The following CTDSPL2 variants were observed in gnomAD, a reference collection of about 807,000 sequenced individuals.
The protein encoded by CTDSPL2 is CTD small phosphatase-like protein 2.
A neutral mutation model predicts 60.0 loss-of-function variants in CTDSPL2; 5 were observed. The ratio of observed to expected loss-of-function variants is 0.08; its 90% CI spans 0.04 to 0.18. The LOEUF (loss-of-function observed/expected upper bound fraction) is 0.18. Ranked by LOEUF, CTDSPL2 falls within the 10% of genes least tolerant of loss-of-function variation. The probability of loss-of-function intolerance (pLI) is 1.00; values close to 1 mark genes in which losing one functional copy is unlikely to be tolerated. For missense variants in CTDSPL2, 370 were observed against 548.8 expected (o/e 0.67, Z 3.26); for synonymous variants, 186 against 189.3 (o/e 0.98, Z 0.14).
chr15:44,520,053 G>A (rs1012173742), intron 11 of CTDSPL2: 3 of 152,032 alleles, frequency 2.0e-5, no homozygotes, highest in African/African-American at 4.8e-5. Flanking sequence ...GATTACAGGT[G>A]TGAGCCACTG....
rs181108100 is a variant in CTDSPL2 at position 44,528,304 on chromosome 15, C to T, written c.*4130C>T. ...GGAGCCTACCCCTGGAAAATTGTCT[C>T]GCTGGATCTCGAGAGGGGCCTGAGA... On this transcript the variant is annotated 3_prime_UTR_variant, in exon 13 of 13. Coordinates refer to ENST00000260327, the MANE Select transcript of CTDSPL2 (RefSeq NM_016396.3). The T allele has an allele frequency of 4.1e-4, 62 of 150,548 alleles. No homozygotes were observed. Among genetic ancestry groups the T allele is most frequent in the African/African-American group, 1.2e-3 (51 of 41,118 alleles). The allele number at this position is 150,548 out of a possible 1,614,324, so 9.3% of individuals were successfully genotyped here.
chr15:44,478,442 G>C (rs1286439149), intron 2 of CTDSPL2, among the ~76,000 whole-genome samples: 2 of 78,346 alleles, frequency 2.6e-5, no homozygotes, highest in South Asian at 4.8e-4. Flanking sequence ...AGAAGAGCAA[G>C]ACTCTGTCTC....
At chr15:44,450,729 G>A (rs2080318421) in intron 1 of CTDSPL2, among the ~76,000 whole-genome samples, 1 of 150,632 alleles carries the variant, frequency 6.6e-6, no homozygotes, top group Admixed American at 6.7e-5. Context: ...CCAAGTAGCT[G>A]AGATTACAGG....
chr15:44,441,405 C>T (rs771257209), intron 1 of CTDSPL2, among the ~76,000 whole-genome samples: 30 of 152,178 alleles, frequency 2.0e-4, no homozygotes, highest in Non-Finnish European at 3.1e-4. Context: ...GGAGGGCTCT[C>T]TTCAGTCCCA....
intron 5 of CTDSPL2, among the ~76,000 whole-genome samples, chr15:44,492,051 T>G (rs1419521652): frequency 1.3e-5 from 2 of 152,048 alleles, no homozygotes; most frequent in East Asian, 3.9e-4. Flanking sequence ...TAACTTTTAG[T>G]AGAGACCAGG....
intron 2 of CTDSPL2, among the ~76,000 whole-genome samples, chr15:44,459,826 G>A (rs2080527077): frequency 6.6e-6 from 1 of 152,066 alleles, no homozygotes; most frequent in Non-Finnish European, 1.5e-5. Context: ...ACTGTCTAGG[G>A]AGGTGATGTC....
intron 12 of CTDSPL2, among the ~76,000 whole-genome samples, chr15:44,522,417 G>C (rs2081796072): frequency 6.6e-6 from 1 of 152,102 alleles, no homozygotes; most frequent in African/African-American, 2.4e-5. Flanking sequence ...TACTATTTCA[G>C]TGGTCTTTCT....
chr15:44,458,883 T>G, intron 1 of CTDSPL2, 108 bp from the exon 2 acceptor site: 1 of 696,726 alleles, frequency 1.4e-6, no homozygotes, highest in Non-Finnish European at 2.1e-6. Context: ...GGACTTTTGT[T>G]TTTTTAGCCA....
chr15:44,524,058 CAT>C, intron 12 of CTDSPL2, 49 bp from the exon 13 acceptor site: 1 of 1,353,410 alleles, frequency 7.4e-7, no homozygotes. Context: ...TTATGAGGAT[CAT>C]ATCTTTGAAA....
intron 2 of CTDSPL2, among the ~76,000 whole-genome samples, chr15:44,463,594 A>T (rs1013246344): frequency 2.0e-5 from 3 of 152,238 alleles, no homozygotes; most frequent in African/African-American, 7.2e-5. Context: ...AATCGGAGTG[A>T]AATCACAATT....
At chr15:44,433,883 A>G (rs887874740) in intron 1 of CTDSPL2, among the ~76,000 whole-genome samples, 1 of 147,348 alleles carries the variant, frequency 6.8e-6, no homozygotes, top group African/African-American at 2.5e-5. Context: ...AACCCAGGAG[A>G]TGGAGGTTGC....
At chr15:44,463,212 G>T (rs866744789) in intron 2 of CTDSPL2, among the ~76,000 whole-genome samples, 5 of 152,174 alleles carry the variant, frequency 3.3e-5, no homozygotes, top group Admixed American at 6.5e-5. Context: ...CACGATGTCA[G>T]CTCACTGCAA....
chr15:44,466,707 G>C (rs908207589), intron 2 of CTDSPL2, among the ~76,000 whole-genome samples: 11 of 152,054 alleles, frequency 7.2e-5, no homozygotes, highest in Non-Finnish European at 1.0e-4. Context: ...CACTTTGGGA[G>C]GCCGAGGCGG....
chr15:44,522,483 T>A (rs1217201802), intron 12 of CTDSPL2, among the ~76,000 whole-genome samples: 1 of 152,188 alleles, frequency 6.6e-6, no homozygotes, highest in African/African-American at 2.4e-5. Context: ...CCGGGTGTGG[T>A]GGCTGATGCC....
intron 7 of CTDSPL2, among the ~76,000 whole-genome samples, chr15:44,498,487 G>A (rs74710657): frequency 0.028 from 4,311 of 152,248 alleles, 105 homozygotes; most frequent in South Asian, 0.082. Context: ...TCGGGAGGCC[G>A]AGAGAGGAGG....
intron 8 of CTDSPL2, among the ~76,000 whole-genome samples, chr15:44,508,131 A>T (rs2081503305): frequency 6.6e-6 from 1 of 150,512 alleles, no homozygotes; most frequent in Non-Finnish European, 1.5e-5. Flanking sequence ...CACCCAGGCT[A>T]GAGTACAGTG....
intron 2 of CTDSPL2, among the ~76,000 whole-genome samples, chr15:44,461,750 T>A (rs1176895881): frequency 3.3e-5 from 5 of 152,050 alleles, no homozygotes; most frequent in Non-Finnish European, 7.4e-5. Flanking sequence ...AAAGAAAATG[T>A]TATTAAGAAA....
At chr15:44,482,437 T>C (rs1432555025) in intron 2 of CTDSPL2, among the ~76,000 whole-genome samples, 1 of 152,238 alleles carries the variant, frequency 6.6e-6, no homozygotes, top group Admixed American at 6.5e-5. Context: ...GAATGCAAGG[T>C]TTTCATGAAT....
At chr15:44,432,096 A>G (rs1365849490) in intron 1 of CTDSPL2, among the ~76,000 whole-genome samples, 1 of 151,932 alleles carries the variant, frequency 6.6e-6, no homozygotes, top group Non-Finnish European at 1.5e-5. Flanking sequence ...TCTCGGAAAG[A>G]TGACAGGCAT....
Sources: allele counts gnomAD v4.1 joint callset (sites outside exome capture counted in the v4.1 genomes callset), GRCh38; gene constraint gnomAD v4.1.1; transcripts MANE v1.5; gene names NCBI Gene and HGNC (gene_info 2026-07-23, HGNC 2026-07-21).